The following SAMD4A variants were observed in gnomAD, a reference collection of about 807,000 sequenced individuals.
The protein encoded by SAMD4A is sterile alpha motif domain containing 4A.
In SAMD4A, 33 loss-of-function variants were observed where a neutral mutation model predicts 81.3. The ratio of observed to expected loss-of-function variants is 0.41; its 90% CI spans 0.31 to 0.54. The LOEUF (loss-of-function observed/expected upper bound fraction) is 0.54, where lower values mean the gene tolerates loss of function less well. SAMD4A is among the 20% of genes least tolerant of loss of function. The pLI is 0.37. For missense variants in SAMD4A, 854 were observed against 951.1 expected, an observed-to-expected ratio of 0.90 and a Z score of 1.34; for synonymous variants, 389 against 382.1, an observed-to-expected ratio of 1.02 and a Z score of -0.21.
intron 2 of SAMD4A, among the ~76,000 whole-genome samples, chr14:54,651,252 C>T (rs931566537): frequency 3.3e-5 from 5 of 152,182 alleles, no homozygotes; most frequent in African/African-American, 9.7e-5. Context: ...CCTTAAGTCT[C>T]AGAAGAAACG....
intron 2 of SAMD4A, among the ~76,000 whole-genome samples, chr14:54,602,948 C>T (rs2140231161): frequency 6.6e-6 from 1 of 152,350 alleles, no homozygotes; most frequent in Middle Eastern, 3.4e-3. Flanking sequence ...CTTCTCAGGT[C>T]ACACTGCAGA....
intron 2 of SAMD4A, among the ~76,000 whole-genome samples, chr14:54,647,886 C>T (rs113043632): frequency 5.3e-5 from 8 of 152,280 alleles, no homozygotes; most frequent in African/African-American, 1.7e-4. Flanking sequence ...CCTACAGCTG[C>T]GCTGTTGATA....
chr14:54,622,242 G>A (rs1157053582), intron 2 of SAMD4A, among the ~76,000 whole-genome samples: 3 of 152,252 alleles, frequency 2.0e-5, no homozygotes, highest in Middle Eastern at 3.4e-3. Context: ...ATGTTTTACT[G>A]GAAAGCAGTG....
rs140932373 is a variant in SAMD4A at position 54,696,094 on chromosome 14, C to G, written c.197-5968C>G. ...GGTTCCCCATCACAACTGGTCTAAT[C>G]CATACCACTAGCAGGGCTCCCACCA... On this transcript the variant is annotated intron_variant, in intron 2 of 12. Coordinates refer to ENST00000554335, the MANE Select transcript of SAMD4A (RefSeq NM_015589.6). Among the ~76,000 whole-genome samples the G allele has an allele frequency of 8.5e-4, 129 of 152,268 alleles. 1 individual carries two copies. Among genetic ancestry groups the G allele is most frequent in the African/African-American group, 2.9e-3 (121 of 41,554 alleles).
intron 2 of SAMD4A, among the ~76,000 whole-genome samples, chr14:54,651,148 C>G (rs1043271565): frequency 6.6e-6 from 1 of 152,166 alleles, no homozygotes; most frequent in Non-Finnish European, 1.5e-5. Flanking sequence ...TCAGATGATC[C>G]TGAGCTCTTT....
intron 12 of SAMD4A, among the ~76,000 whole-genome samples, chr14:54,785,030 A>T (rs2039100268): frequency 6.6e-6 from 1 of 152,236 alleles, no homozygotes; most frequent in African/African-American, 2.4e-5. Flanking sequence ...CCTTCTCTGC[A>T]CTAGATCCCC....
intron 9 of SAMD4A, among the ~76,000 whole-genome samples, chr14:54,772,686 C>T (rs967379468): frequency 6.6e-6 from 1 of 152,024 alleles, no homozygotes; most frequent in African/African-American, 2.4e-5. Context: ...TTTAAAAATC[C>T]AACCAAAAAG....
intron 2 of SAMD4A, among the ~76,000 whole-genome samples, chr14:54,569,207 TTTGATGACAA>T (rs1420831944): frequency 1.3e-5 from 2 of 152,102 alleles, no homozygotes; most frequent in African/African-American, 4.8e-5. Flanking sequence ...TGGGCTGCCA[TTTGATGACAA>T]GGTCCAGTCC....
intron 3 of SAMD4A, chr14:54,703,310 C>T (rs1396519435): frequency 6.6e-6 from 1 of 152,226 alleles, no homozygotes; most frequent in East Asian, 1.9e-4. Flanking sequence ...AGTATTGCAC[C>T]CTCAGCTGGG....
chr14:54,782,902 C>T lies in SAMD4A; in HGVS notation c.2045-1635C>T, dbSNP rs189859497. Among the ~76,000 whole-genome samples, 307 of 152,332 alleles carry T rather than the reference C, an allele frequency of 2.0e-3. 1 individual carries two copies. Among genetic ancestry groups the T allele is most frequent in the Non-Finnish European group, 3.7e-3 (251 of 68,020 alleles). ...TCTTCTCTCTCTGGCCCCATGTGCT[C>T]CCTTGGTGGAGACATGAAGGAGCAG... On this transcript the variant is annotated intron_variant, in intron 11 of 12. Transcript: ENST00000554335.
At chr14:54,627,753 T>A (rs1276852442) in intron 2 of SAMD4A, among the ~76,000 whole-genome samples, 1 of 152,262 alleles carries the variant, frequency 6.6e-6, no homozygotes, top group Non-Finnish European at 1.5e-5. Context: ...GTCTCTCTGT[T>A]AGTTTATTTG....
At chr14:54,768,962 T>A (rs1405030191) in intron 8 of SAMD4A, among the ~76,000 whole-genome samples, 1 of 152,222 alleles carries the variant, frequency 6.6e-6, no homozygotes, top group Non-Finnish European at 1.5e-5. Context: ...TGGGAACTAG[T>A]CATTTAGTCT....
chr14:54,576,250 A>G (rs2033293433), intron 2 of SAMD4A, among the ~76,000 whole-genome samples: 1 of 152,180 alleles, frequency 6.6e-6, no homozygotes, highest in Non-Finnish European at 1.5e-5. Flanking sequence ...CTTTCATTGT[A>G]TACATTTCTA....
chr14:54,781,758 G>A (rs904392128), intron 11 of SAMD4A, among the ~76,000 whole-genome samples: 2 of 152,222 alleles, frequency 1.3e-5, no homozygotes, highest in Admixed American at 6.5e-5. Context: ...GGTCTGTGGG[G>A]CAAGAGCTGC....
intron 6 of SAMD4A, among the ~76,000 whole-genome samples, chr14:54,755,622 CAGCAGGTCACT>C (rs1449526868): frequency 6.6e-6 from 1 of 152,074 alleles, no homozygotes; most frequent in Non-Finnish European, 1.5e-5. Flanking sequence ...AATTGGCCCT[CAGCAGGTCACT>C]ATGCCATGAT....
chr14:54,652,861 ATATTGGGAGAGTTAAGTAATCC>A (rs2035435689), intron 2 of SAMD4A: 1 of 152,124 alleles, frequency 6.6e-6, no homozygotes, highest in South Asian at 2.1e-4. Context: ...TGGTGAATGG[ATATTGGGAGAGTTAAGTAATCC>A]TATTTCTATT....
At chr14:54,585,820 T>G (rs1397620060) in intron 2 of SAMD4A, among the ~76,000 whole-genome samples, 1 of 152,206 alleles carries the variant, frequency 6.6e-6, no homozygotes, top group African/African-American at 2.4e-5. Context: ...ATATCACATT[T>G]TCTTTATTCA....
chr14:54,712,250 C>G (rs2037008355), intron 3 of SAMD4A, among the ~76,000 whole-genome samples: 1 of 150,446 alleles, frequency 6.6e-6, no homozygotes, highest in Admixed American at 6.7e-5. Flanking sequence ...ATTATTTTGC[C>G]TTTTACCAGC....
chr14:54,626,047 T>C (rs894469077), intron 2 of SAMD4A, among the ~76,000 whole-genome samples: 7 of 130,174 alleles, frequency 5.4e-5, no homozygotes, highest in East Asian at 2.1e-4. Flanking sequence ...TGTGTGTGTG[T>C]GTGTGTGTGT....
Sources: gnomAD v4.1 joint callset for allele counts (sites outside exome capture counted in the v4.1 genomes callset) on GRCh38, gnomAD v4.1.1 for gene constraint, MANE v1.5 for transcripts, NCBI Gene and HGNC (gene_info 2026-07-23, HGNC 2026-07-21) for gene names.